AHCYL2: variants seen among roughly 807,000 people sequenced by gnomAD.
AHCYL2 encodes the protein adenosylhomocysteinase like 2.
Under a neutral mutation model 81.4 loss-of-function variants are expected in AHCYL2, and 28 were observed. The ratio of observed to expected loss-of-function variants is 0.34; its 90% CI spans 0.25 to 0.47. The LOEUF is 0.47. AHCYL2 is among the 20% of genes least tolerant of loss of function. The pLI is 1.00. For synonymous variants in AHCYL2, 272 were observed against 290.2 expected, an observed-to-expected ratio of 0.94 and a Z score of 0.64; for missense variants, 551 against 785.1, an observed-to-expected ratio of 0.70 and a Z score of 3.56.
chr7:129,243,763 G>A (rs1794948787), intron 1 of AHCYL2, among the ~76,000 whole-genome samples: 1 of 151,624 alleles, frequency 6.6e-6, no homozygotes, highest in Non-Finnish European at 1.5e-5. Context: ...TGTATTTTTA[G>A]TAGAGATGGG....
intron 1 of AHCYL2, among the ~76,000 whole-genome samples, chr7:129,326,368 A>T (rs1675049705): frequency 6.6e-6 from 1 of 152,082 alleles, no homozygotes; most frequent in African/African-American, 2.4e-5. Flanking sequence ...CTCTGCTAAA[A>T]ATAAAAAAAT....
chr7:129,270,106 C>T (rs774925375), intron 1 of AHCYL2, among the ~76,000 whole-genome samples: 2 of 152,146 alleles, frequency 1.3e-5, no homozygotes, highest in Non-Finnish European at 2.9e-5. Flanking sequence ...GAAAATGAAG[C>T]CCATTAGGAG....
chr7:129,252,709 G>A (rs1795283911), intron 1 of AHCYL2, among the ~76,000 whole-genome samples: 1 of 152,202 alleles, frequency 6.6e-6, no homozygotes, highest in Non-Finnish European at 1.5e-5. Context: ...TGAGGCTGCA[G>A]TGAGCTATGA....
chr7:129,372,010 G>T (rs1218841179), intron 1 of AHCYL2, among the ~76,000 whole-genome samples: 1 of 152,172 alleles, frequency 6.6e-6, no homozygotes, highest in Non-Finnish European at 1.5e-5. Flanking sequence ...CAGGATTGGT[G>T]CTTAAAACAG....
At position 129,364,472 on chromosome 7, in the gene AHCYL2, G is replaced by T. The variant is rs915166947; in HGVS notation, c.364-15166G>T. Among the ~76,000 whole-genome samples the T allele has an allele frequency of 5.3e-5, 8 of 152,182 alleles. No individual in the cohort carries two copies. The East Asian group carries it at 1.4e-3, about 26-fold the overall frequency. On this transcript the variant is annotated intron_variant, in intron 1 of 16. Transcript: ENST00000325006. ...CACCTGGCTAAGTTTTGCATTTTTA[G>T]TAGAGACGGGGTTTCACCACATTCA...
Position 129,428,072 on chromosome 7 carries a change from T to C in AHCYL2, c.*1027T>C, listed in dbSNP as rs1282538427. On this transcript the variant is annotated 3_prime_UTR_variant, in exon 17 of 17. Transcript: ENST00000325006. ...TGATACCCTAACAAAGCAGAGTATA[T>C]TTATTTGTTTCCCAGGAAGGCCATT... The C allele has an allele frequency of 1.3e-5, 2 of 152,216 alleles. No homozygotes were observed. Among genetic ancestry groups the C allele is most frequent in the Non-Finnish European group, 2.9e-5 (2 of 68,040 alleles). The allele number at this position is 152,216 out of a possible 1,614,324, so 9.4% of individuals were successfully genotyped here.
intron 12 of AHCYL2, among the ~76,000 whole-genome samples, chr7:129,416,283 A>G (rs1203864464): frequency 1.3e-5 from 2 of 152,218 alleles, no homozygotes; most frequent in Non-Finnish European, 2.9e-5. Flanking sequence ...GCTATATGCC[A>G]GCTGTTGTTC....
chr7:129,406,610 C>A lies in AHCYL2; in HGVS notation c.1295+144C>A. 1 of 794,156 alleles carries A rather than the reference C, an allele frequency of 1.3e-6. No individual in the cohort carries two copies. The highest frequency in any genetic ancestry group is 1.7e-5 in the South Asian group (1 of 59,802). 49.2% of individuals were successfully genotyped at this position (794,156 alleles called of 1,614,324 possible). A position where few individuals can be genotyped will look rare whatever the true frequency, so the allele number is the denominator to read the frequency against. ...CTAAGCATCTGTCTTTTAAAAAGGTCAAGGAGCTCTGCTTGGAGAGAGCAG... is the reference window on the plus strand; with the variant it reads ...CTAAGCATCTGTCTTTTAAAAAGGTAAAGGAGCTCTGCTTGGAGAGAGCAG... On this transcript the variant is annotated intron_variant, in intron 10 of 16. Coordinates refer to ENST00000325006, the MANE Select transcript of AHCYL2 (RefSeq NM_015328.4). This position sits in a 1 kb window ranked among gnomAD's most constrained non-coding sequence, Gnocchi z 4.3.
intron 1 of AHCYL2, among the ~76,000 whole-genome samples, chr7:129,285,869 C>A (rs762935706): frequency 6.6e-6 from 1 of 151,964 alleles, no homozygotes; most frequent in Non-Finnish European, 1.5e-5. Flanking sequence ...TGCCACCCCA[C>A]CCAGCTAATT....
Position 129,279,123 on chromosome 7 carries a change from A to G in AHCYL2, c.363+53684A>G, listed in dbSNP as rs1156789698. ...CAAAGCATCTGGGATTTTTATTGGA[A>G]TTGTATTGAATCTGCATTTGGAGAG... On this transcript the variant is annotated intron_variant, in intron 1 of 16. Coordinates refer to ENST00000325006, the MANE Select transcript of AHCYL2 (RefSeq NM_015328.4). Among the ~76,000 whole-genome samples, 3 of 152,164 alleles carry G rather than the reference A, an allele frequency of 2.0e-5. No individual in the cohort carries two copies. The East Asian group carries it at 5.8e-4, about 29-fold the overall frequency.
chr7:129,400,709 T>C (rs1795991291), intron 6 of AHCYL2, among the ~76,000 whole-genome samples: 1 of 152,134 alleles, frequency 6.6e-6, no homozygotes, highest in African/African-American at 2.4e-5. Flanking sequence ...TGCTACTGCC[T>C]ACTTCCCACC....
intron 1 of AHCYL2, among the ~76,000 whole-genome samples, chr7:129,267,230 G>GTT (rs1795840074): frequency 1.7e-5 from 1 of 59,160 alleles, no homozygotes; most frequent in Admixed American, 2.0e-4. Flanking sequence ...TCACTCAAGG[G>GTT]GTGTGTGTGT....
At chr7:129,310,325 G>C (rs1797609505) in intron 1 of AHCYL2, among the ~76,000 whole-genome samples, 1 of 152,134 alleles carries the variant, frequency 6.6e-6, no homozygotes, top group Non-Finnish European at 1.5e-5. Context: ...CTGAAACCAT[G>C]CTTGCTAAGA....
rs1584895560 is a variant in AHCYL2 at position 129,408,726 on chromosome 7, C to G, written c.1296-750C>G. On this transcript the variant is annotated intron_variant, in intron 10 of 16. Transcript: ENST00000325006. ...CAAAGGAAGAGTATGGTTCTCTATA[C>G]TGAAAGAATAGAGAAAAGAATAAAG... Among the ~76,000 whole-genome samples, 5 of 152,090 alleles carry G rather than the reference C, an allele frequency of 3.3e-5. No individual in the cohort carries two copies. The South Asian group carries it at 1.0e-3, about 32-fold the overall frequency.
intron 1 of AHCYL2, among the ~76,000 whole-genome samples, chr7:129,233,772 A>C (rs929950089): frequency 6.6e-6 from 1 of 152,214 alleles, no homozygotes; most frequent in African/African-American, 2.4e-5. Context: ...GGCATGAGCC[A>C]CCGTGCCCAG....
intron 1 of AHCYL2, among the ~76,000 whole-genome samples, chr7:129,366,338 G>T (rs1412788932): frequency 6.6e-6 from 1 of 152,000 alleles, no homozygotes; most frequent in African/African-American, 2.4e-5. Flanking sequence ...GCCCTCTCTG[G>T]CATCTTACAG....
At chr7:129,318,327 T>C (rs1289987628) in intron 1 of AHCYL2, among the ~76,000 whole-genome samples, 2 of 152,244 alleles carry the variant, frequency 1.3e-5, no homozygotes, top group Non-Finnish European at 2.9e-5. Context: ...ACTTCTGGGC[T>C]CAAGTGATCC....
In AHCYL2 at chr7:129,271,862, AAGAC is replaced by A. The variant is rs762960329; in HGVS notation, c.363+46427_363+46430del. 5.1e-4 allele frequency among the ~76,000 whole-genome samples: 78 copies of A among 152,338 alleles called. 1 individual carries two copies. The highest frequency in any genetic ancestry group is 4.1e-3 in the Admixed American group (63 of 15,300). On this transcript the variant is annotated intron_variant, in intron 1 of 16. Coordinates refer to ENST00000325006, the MANE Select transcript of AHCYL2 (RefSeq NM_015328.4). ...TAAATGAATTACACTTATTGAAACA[AAGAC>A]AGATTGTTGTAGCATGTTTTCAAGA...
intron 1 of AHCYL2, among the ~76,000 whole-genome samples, chr7:129,295,557 C>A (rs994191159): frequency 1.3e-5 from 2 of 152,072 alleles, no homozygotes; most frequent in African/African-American, 4.8e-5. Context: ...TTTCTCCACA[C>A]CTTTGTTAGT....
Sources: allele counts gnomAD v4.1 joint callset (sites outside exome capture counted in the v4.1 genomes callset), GRCh38; gene constraint gnomAD v4.1.1; non-coding constraint Gnocchi (gnomAD v3.1); transcripts MANE v1.5; gene names NCBI Gene and HGNC (gene_info 2026-07-23, HGNC 2026-07-21).